Variants in MGAT4A observed in about 807,000 individuals in gnomAD.
MGAT4A encodes the protein alpha-1,3-mannosyl-glycoprotein 4-beta-N-acetylglucosaminyltransferase A, also known as N-acetylglucosaminyltransferase IVa.
MGAT4A carries 33 observed loss-of-function variants against 74.1 expected under a neutral mutation model. The ratio of observed to expected loss-of-function variants is 0.45; its 90% CI spans 0.34 to 0.60. The LOEUF is 0.60. Among genes scored for constraint, MGAT4A ranks in the 20% least tolerant of loss-of-function variants. The pLI, the probability that MGAT4A is intolerant of heterozygous loss-of-function variation, is 0.02. For synonymous variants in MGAT4A, 198 were observed against 210.4 expected (o/e 0.94, Z 0.51); for missense variants, 479 against 628.3 (o/e 0.76, Z 2.54).
intron 12 of MGAT4A, among the ~76,000 whole-genome samples, chr2:98,639,255 C>CT (rs1263136733): frequency 6.6e-6 from 1 of 151,214 alleles, no homozygotes; most frequent in Non-Finnish European, 1.5e-5. Context: ...CATTGCACTC[C>CT]AGTCTGGGCG....
At chr2:98,638,331 C>A (rs1195774337) in intron 12 of MGAT4A, among the ~76,000 whole-genome samples, 1 of 152,072 alleles carries the variant, frequency 6.6e-6, no homozygotes, top group African/African-American at 2.4e-5. Flanking sequence ...GAATCCTATA[C>A]ACATATAATG....
At chr2:98,641,577 G>A (rs1474319181) in intron 10 of MGAT4A, among the ~76,000 whole-genome samples, 1 of 151,516 alleles carries the variant, frequency 6.6e-6, no homozygotes, top group Admixed American at 6.6e-5. Flanking sequence ...GCAGGAGGCT[G>A]AGGCAGGAGA....
intron 1 of MGAT4A, among the ~76,000 whole-genome samples, chr2:98,730,641 G>C (rs1189470014): frequency 6.7e-6 from 1 of 150,056 alleles, no homozygotes; most frequent in African/African-American, 2.5e-5. Context: ...CCCCGGATCA[G>C]CACTTTGCTC....
intron 4 of MGAT4A, among the ~76,000 whole-genome samples, chr2:98,669,299 G>A (rs1022089545): frequency 1.3e-5 from 2 of 152,156 alleles, no homozygotes; most frequent in African/African-American, 2.4e-5. Context: ...CAGTGAATAA[G>A]CCTCACGAGA....
chr2:98,688,141 C>T (rs114019875), intron 2 of MGAT4A, among the ~76,000 whole-genome samples: 212 of 152,250 alleles, frequency 1.4e-3, no homozygotes, highest in African/African-American at 4.9e-3. Context: ...ATTTAGCTAT[C>T]GTTTCTTTTT....
chr2:98,697,959 A>T (rs1028695236), intron 2 of MGAT4A, among the ~76,000 whole-genome samples: 6 of 152,314 alleles, frequency 3.9e-5, no homozygotes, highest in Admixed American at 6.5e-5. Context: ...ATGTTAAAAA[A>T]TTTTTCATTG....
intron 8 of MGAT4A, among the ~76,000 whole-genome samples, chr2:98,651,519 T>A (rs1294029110): frequency 6.6e-6 from 1 of 152,184 alleles, no homozygotes; most frequent in Admixed American, 6.5e-5. Context: ...CTTTAAGATA[T>A]GTAATTGCAA....
At chr2:98,684,315 G>A (rs1416408728) in intron 2 of MGAT4A, among the ~76,000 whole-genome samples, 2 of 152,154 alleles carry the variant, frequency 1.3e-5, no homozygotes, top group Non-Finnish European at 2.9e-5. Context: ...GTCATGGTGG[G>A]AAACTGAAGG....
Position 98,625,482 on chromosome 2 carries a change from C to T in MGAT4A, c.*84G>A. 1 of 1,575,034 alleles carries T rather than the reference C, an allele frequency of 6.3e-7. No individual in the cohort carries two copies. The highest frequency in any genetic ancestry group is 8.6e-7 in the Non-Finnish European group (1 of 1,165,980). ...AGTAGACTTCACAAGAGGTAGTGTT[C>T]AAGTAGAAATAAAAAAAAGATACAT... On this transcript the variant is annotated 3_prime_UTR_variant, in exon 16 of 16. Transcript: ENST00000393487.
At chr2:98,659,809 T>A (rs1311053971) in intron 5 of MGAT4A, among the ~76,000 whole-genome samples, 1 of 152,206 alleles carries the variant, frequency 6.6e-6, no homozygotes, top group Non-Finnish European at 1.5e-5. Context: ...GTCTTGGGTA[T>A]GTCTTTATCA....
Position 98,715,317 on chromosome 2 carries a change from CAA to C in MGAT4A, c.94+10920_94+10921del, listed in dbSNP as rs201860893. The stretch of plus-strand genomic sequence containing the variant: ...TGGGTGACAGAGCTAGACTTCATCT[CAA>C]AAAAAAAAAAAAAAAAAAAAGAAAT... On this transcript the variant is annotated intron_variant, in intron 2 of 15. Coordinates refer to ENST00000393487, the MANE Select transcript of MGAT4A (RefSeq NM_012214.3). 3.2e-3 allele frequency among the ~76,000 whole-genome samples: 204 copies of C among 63,238 alleles called. 1 individual carries two copies. Among genetic ancestry groups the C allele is most frequent in the African/African-American group, 0.01 (187 of 18,394 alleles). 41.5% of individuals were successfully genotyped at this position (63,238 alleles called of 152,430 possible).
chr2:98,621,565 T>A lies in MGAT4A; in HGVS notation c.*4001A>T. The A allele has an allele frequency of 1.9e-6, 3 of 1,548,774 alleles. No individual in the cohort carries two copies. The highest frequency in any genetic ancestry group is 2.6e-6 in the Non-Finnish European group (3 of 1,145,346). ...CCCAGACAGTCTTCCTTTTGCTACA[T>A]AACATGATATAATCATGGATCAAAC... On this transcript the variant is annotated 3_prime_UTR_variant, in exon 16 of 16. Transcript: ENST00000393487.
intron 2 of MGAT4A, among the ~76,000 whole-genome samples, chr2:98,688,188 C>T (rs1559169449): frequency 6.6e-6 from 1 of 152,038 alleles, no homozygotes; most frequent in Non-Finnish European, 1.5e-5. Context: ...TACTTCATGG[C>T]TTTTAGTCTT....
At chr2:98,645,238 A>T (rs1315577086) in intron 9 of MGAT4A, among the ~76,000 whole-genome samples, 190 bp downstream of exon 9, 4 of 152,232 alleles carry the variant, frequency 2.6e-5, no homozygotes, top group Non-Finnish European at 5.9e-5. Flanking sequence ...TAATCTTAGA[A>T]GTCTCCAAAT....
At chr2:98,634,204 G>A (rs1326099220) in intron 14 of MGAT4A, among the ~76,000 whole-genome samples, 1 of 152,164 alleles carries the variant, frequency 6.6e-6, no homozygotes, top group Non-Finnish European at 1.5e-5. Context: ...CCCTCTCCAG[G>A]GGAGCACACA....
At chr2:98,687,490 T>C (rs1372392258) in intron 2 of MGAT4A, among the ~76,000 whole-genome samples, 3 of 152,204 alleles carry the variant, frequency 2.0e-5, no homozygotes, top group Non-Finnish European at 4.4e-5. Flanking sequence ...GTATGACCTA[T>C]TTCATGCTTT....
At chr2:98,678,813 G>A (rs1047675137) in intron 2 of MGAT4A, among the ~76,000 whole-genome samples, 3 of 151,928 alleles carry the variant, frequency 2.0e-5, no homozygotes, top group Admixed American at 2.0e-4. Context: ...TCTGTCAAAG[G>A]GTACAAACAA....
intron 8 of MGAT4A, among the ~76,000 whole-genome samples, chr2:98,649,372 C>G (rs542865214): frequency 6.6e-6 from 1 of 152,258 alleles, no homozygotes; most frequent in African/African-American, 2.4e-5. Flanking sequence ...GAGCATTCCA[C>G]AGCCAGAGGC....
chr2:98,642,025 T>C (rs1701419162), intron 10 of MGAT4A, among the ~76,000 whole-genome samples: 1 of 151,840 alleles, frequency 6.6e-6, no homozygotes, highest in Non-Finnish European at 1.5e-5. Context: ...ATTTACACTG[T>C]AGAAGACTTC....
Sources: allele counts gnomAD v4.1 joint callset (sites outside exome capture counted in the v4.1 genomes callset), GRCh38; gene constraint gnomAD v4.1.1; transcripts MANE v1.5; gene names NCBI Gene and HGNC (gene_info 2026-07-23, HGNC 2026-07-21).